The following PIGL variants were observed in gnomAD, a reference collection of about 807,000 sequenced individuals.
The protein encoded by PIGL is phosphatidylinositol glycan anchor biosynthesis class L, also known as N-acetylglucosaminyl-phosphatidylinositol de-N-acetylase.
Under a neutral mutation model 31.1 loss-of-function variants are expected in PIGL, and 22 were observed. The ratio of observed to expected loss-of-function variants is 0.71; its 90% CI spans 0.51 to 1.01. The LOEUF (loss-of-function observed/expected upper bound fraction) is 1.01. Among genes scored for constraint, PIGL ranks in the 50% least tolerant of loss-of-function variants. The pLI is 0.00. For missense variants in PIGL, 302 were observed against 315.9 expected (o/e 0.96, Z 0.33); for synonymous variants, 131 against 117.4 (o/e 1.12, Z -0.75).
At chr17:16,278,442 C>T (rs1210083197) in intron 2 of PIGL, among the ~76,000 whole-genome samples, 3 of 152,180 alleles carry the variant, frequency 2.0e-5, no homozygotes, top group Non-Finnish European at 2.9e-5. Context: ...ATTTTAATGT[C>T]TGACCATAAG....
At chr17:16,253,476 A>G (rs1051497806) in intron 2 of PIGL, among the ~76,000 whole-genome samples, 1 of 152,176 alleles carries the variant, frequency 6.6e-6, no homozygotes, top group Non-Finnish European at 1.5e-5. Flanking sequence ...ACTTACATCA[A>G]AATATCACAT....
At chr17:16,220,676 G>A (rs941699206) in intron 1 of PIGL, among the ~76,000 whole-genome samples, 6 of 151,624 alleles carry the variant, frequency 4.0e-5, no homozygotes, top group African/African-American at 9.7e-5. Context: ...TAGTAGAGAC[G>A]GGCTTTCTCC....
intron 6 of PIGL, among the ~76,000 whole-genome samples, chr17:16,323,938 C>T (rs1406594317): frequency 1.3e-5 from 2 of 151,284 alleles, no homozygotes; most frequent in South Asian, 2.1e-4. Context: ...TATTTGTTAG[C>T]AGATTATTTC....
chr17:16,220,056 A>G (rs1465390370), intron 1 of PIGL, among the ~76,000 whole-genome samples: 1 of 152,026 alleles, frequency 6.6e-6, no homozygotes, highest in Non-Finnish European at 1.5e-5. Flanking sequence ...ATTTTTTCAA[A>G]TAAAAAATAT....
chr17:16,254,422 C>T (rs1199120717), intron 2 of PIGL, among the ~76,000 whole-genome samples: 2 of 152,066 alleles, frequency 1.3e-5, no homozygotes, highest in Non-Finnish European at 2.9e-5. Context: ...GCATGCGCCA[C>T]CACACCTGGC....
chr17:16,317,618 G>T (rs2093083555), intron 5 of PIGL, 157 bp from the exon 6 acceptor site: 2 of 1,443,570 alleles, frequency 1.4e-6, no homozygotes, highest in East Asian at 4.8e-5. Flanking sequence ...CAAGAATCAT[G>T]GGCACAGGGC....
At chr17:16,275,861 T>C (rs1047244729) in intron 2 of PIGL, among the ~76,000 whole-genome samples, 6 of 152,050 alleles carry the variant, frequency 3.9e-5, no homozygotes, top group Non-Finnish European at 8.8e-5. Flanking sequence ...CTGTCTCTAC[T>C]ACAAATATAA....
At chr17:16,217,984 A>T (rs1245134325) in intron 1 of PIGL, 1 of 152,238 alleles carries the variant, frequency 6.6e-6, no homozygotes, top group African/African-American at 2.4e-5. Flanking sequence ...TTTTGTAGGT[A>T]ATTTTAGAGT....
At chr17:16,261,872 A>G (rs1237737837) in intron 2 of PIGL, among the ~76,000 whole-genome samples, 2 of 151,860 alleles carry the variant, frequency 1.3e-5, no homozygotes, top group East Asian at 3.9e-4. Context: ...CCAAAATGCT[A>G]GGATTATAGG....
At chr17:16,317,667 C>T in intron 5 of PIGL, 108 bp from the exon 6 acceptor site, 1 of 1,545,522 alleles carries the variant, frequency 6.5e-7, no homozygotes, top group Non-Finnish European at 8.7e-7. Flanking sequence ...ATGCTGTGGC[C>T]ACTGTCCTGC....
intron 2 of PIGL, among the ~76,000 whole-genome samples, chr17:16,280,601 T>A (rs993713769): frequency 6.6e-6 from 1 of 152,176 alleles, no homozygotes; most frequent in Non-Finnish European, 1.5e-5. Context: ...CCAACCCAAA[T>A]GGTACATTTG....
At chr17:16,228,597 C>G (rs1021732140) in intron 1 of PIGL, among the ~76,000 whole-genome samples, 9 of 151,564 alleles carry the variant, frequency 5.9e-5, no homozygotes, top group African/African-American at 1.7e-4. Context: ...ACCGTGTTAG[C>G]CAGGATGGTC....
rs369692483 is a variant in PIGL, at chr17:16,224,877, C to T, written c.235+7416C>T. 6.9e-4 allele frequency among the ~76,000 whole-genome samples: 105 copies of T among 151,244 alleles called. 1 individual carries two copies. Among genetic ancestry groups the T allele is most frequent in the African/African-American group, 2.4e-3 (98 of 41,216 alleles). On this transcript the variant is annotated intron_variant, in intron 1 of 6. Coordinates refer to ENST00000225609, the MANE Select transcript of PIGL (RefSeq NM_004278.4). ...TTCACCGTGTTAGCCAGGATGGTCT[C>T]GATCTCCTGACCTCGTGATCCGCCC...
chr17:16,218,120 T>C (rs1377212729), intron 1 of PIGL: 1 of 152,226 alleles, frequency 6.6e-6, no homozygotes, highest in Non-Finnish European at 1.5e-5. Context: ...AATTGAACAG[T>C]TGTATAAATG....
chr17:16,309,847 G>A (rs1188179511), intron 3 of PIGL, among the ~76,000 whole-genome samples: 2 of 152,152 alleles, frequency 1.3e-5, no homozygotes, highest in African/African-American at 4.8e-5. Flanking sequence ...GGGAGGCCAA[G>A]GCAAGCGGAT....
chr17:16,278,235 T>C (rs780032128), intron 2 of PIGL, among the ~76,000 whole-genome samples: 35 of 152,154 alleles, frequency 2.3e-4, no homozygotes, highest in Non-Finnish European at 4.4e-4. Context: ...TTTGTATTTT[T>C]AGTAGAAACA....
At chr17:16,313,498 T>A (rs753760541) in intron 3 of PIGL, 49 bp from the exon 4 acceptor site, 2 of 1,299,384 alleles carry the variant, frequency 1.5e-6, no homozygotes, top group Non-Finnish European at 2.2e-6. Context: ...TCCATTGAAG[T>A]TGAGGTGGTG....
chr17:16,321,102 T>TA (rs1225026732), intron 6 of PIGL, among the ~76,000 whole-genome samples: 5 of 151,952 alleles, frequency 3.3e-5, no homozygotes, highest in Admixed American at 2.0e-4. Context: ...CACGCCTAGC[T>TA]AATTTTTGTA....
At chr17:16,322,251 G>A (rs556755214) in intron 6 of PIGL, among the ~76,000 whole-genome samples, 11 of 151,848 alleles carry the variant, frequency 7.2e-5, no homozygotes, top group African/African-American at 2.7e-4. Flanking sequence ...CCGCCACTTC[G>A]CCCGGCTAAT....
Sources: allele counts gnomAD v4.1 joint callset (sites outside exome capture counted in the v4.1 genomes callset), GRCh38; gene constraint gnomAD v4.1.1; transcripts MANE v1.5; gene names NCBI Gene and HGNC (gene_info 2026-07-23, HGNC 2026-07-21).